The following UBXN11 variants were observed in gnomAD, a reference collection of about 807,000 sequenced individuals.
UBXN11 encodes the protein UBX domain protein 11.
UBXN11 carries 47 observed loss-of-function variants against 62.8 expected under a neutral mutation model. The ratio of observed to expected loss-of-function variants is 0.75; its 90% CI spans 0.59 to 0.95. The LOEUF is 0.95. Ranked by LOEUF, UBXN11 falls within the 40% of genes least tolerant of loss-of-function variation. UBXN11 has a pLI of 0.00. For synonymous variants in UBXN11, 294 were observed against 267.0 expected (o/e 1.10, Z -0.99); for missense variants, 638 against 661.7 (o/e 0.96, Z 0.39).
At chr1:26,310,537 T>TAAAA (rs1557693823), upstream of UBXN11, among the ~76,000 whole-genome samples, 1 of 23,944 alleles carries the variant, frequency 4.2e-5, no homozygotes, top group Admixed American at 2.6e-4. Flanking sequence ...AGACTCCATC[T>TAAAA]CAAAAAAAAA....
In UBXN11 at chr1:26,282,331, G is replaced by C; in HGVS notation, c.1531C>G (p.Pro511Ala). 1 of 747,218 alleles carries C rather than the reference G, an allele frequency of 1.3e-6. No individual in the cohort carries two copies. The highest frequency in any genetic ancestry group is 2.8e-5 in the African/African-American group (1 of 35,836). 46.3% of individuals were successfully genotyped at this position (747,218 alleles called of 1,614,324 possible). Residue 511 changes from proline to alanine, a missense_variant, in exon 15 of 15, where the codon CCC becomes GCC. Transcript: ENST00000374222. ...PSPGPGPGPS[P>A]CPGPSPSPQ The stretch of plus-strand genomic sequence containing the variant: ...GGGCTGGGACTGGGTCCAGGACAGG[G>C]ACTGGGGCCGGGACCGGGACCGGGA...
At chr1:26,312,280 C>A (rs1003434897) in intron 1 of UBXN11, among the ~76,000 whole-genome samples, 4 of 151,946 alleles carry the variant, frequency 2.6e-5, no homozygotes, top group Admixed American at 6.6e-5. Context: ...GAGACAAAAT[C>A]TCTTTCTGTC....
intron 8 of UBXN11, among the ~76,000 whole-genome samples, chr1:26,292,150 T>C (rs1184870706): frequency 6.6e-6 from 1 of 152,168 alleles, no homozygotes; most frequent in East Asian, 1.9e-4. Context: ...CCCTCAATAA[T>C]GAGTCCACAG....
At chr1:26,317,568 CTATGTTCTGGCTCTTTTTAAATTGGTTAT>C (rs2073810135) in intron 1 of UBXN11, among the ~76,000 whole-genome samples, 1 of 152,020 alleles carries the variant, frequency 6.6e-6, no homozygotes, top group South Asian at 2.1e-4. Flanking sequence ...GGAATATCTG[CTATGTTCTGGCTCTTTTTAAATTGGTTAT>C]TATTACATGT....
At chr1:26,289,168 G>C (rs1316557983) in intron 8 of UBXN11, among the ~76,000 whole-genome samples, 1 of 152,208 alleles carries the variant, frequency 6.6e-6, no homozygotes, top group Non-Finnish European at 1.5e-5. Flanking sequence ...TCCGAGCTCT[G>C]TAACCCTGGG....
intron 8 of UBXN11, 87 bp from the exon 9 acceptor site, chr1:26,286,124 G>A: frequency 7.8e-7 from 1 of 1,285,576 alleles, no homozygotes; most frequent in Admixed American, 2.7e-5. Flanking sequence ...TCCCAAGCTG[G>A]GCAGTGGTCT....
chr1:26,306,426 A>T (rs79089135), intron 1 of UBXN11, 166 bp downstream of exon 1: 4 of 152,126 alleles, frequency 2.6e-5, no homozygotes, highest in Non-Finnish European at 5.9e-5. Flanking sequence ...TCACGATCTA[A>T]CCCAGCCCTG....
intron 12 of UBXN11, among the ~76,000 whole-genome samples, chr1:26,283,789 G>A (rs2073058920): frequency 6.6e-6 from 1 of 152,178 alleles, no homozygotes; most frequent in African/African-American, 2.4e-5. Context: ...AATAGGGAGC[G>A]AGGAGACAGA....
chr1:26,301,740 A>C lies in UBXN11; in HGVS notation c.72-18T>G. The C allele has an allele frequency of 6.2e-7, 1 of 1,613,878 alleles. No homozygotes were observed. Among genetic ancestry groups the C allele is most frequent in the Non-Finnish European group, 8.5e-7 (1 of 1,179,938 alleles). On this transcript the variant is annotated intron_variant, in intron 2 of 14. Coordinates refer to ENST00000374222, the MANE Select transcript of UBXN11 (RefSeq NM_001389556.1). ...CTCGCCTCCTGGGAACCCAGGCAGG[A>C]AGAAGGAAGAAATATAAGTTAGGGC...
chr1:26,294,435 C>T (rs376607015), intron 7 of UBXN11, 104 bp from the exon 8 acceptor site: 9 of 1,495,398 alleles, frequency 6.0e-6, no homozygotes, highest in East Asian at 2.4e-5. Flanking sequence ...GGCAATGGGG[C>T]CCCCAGAGCT....
At chr1:26,291,918 A>G (rs2073276744) in intron 8 of UBXN11, among the ~76,000 whole-genome samples, 1 of 152,228 alleles carries the variant, frequency 6.6e-6, no homozygotes, top group Non-Finnish European at 1.5e-5. Flanking sequence ...GCTGTGTCCC[A>G]AGTGTACTCA....
chr1:26,313,817 A>G (rs924924463), intron 1 of UBXN11, among the ~76,000 whole-genome samples: 2 of 134,182 alleles, frequency 1.5e-5, no homozygotes, highest in East Asian at 2.0e-4. Context: ...GTCTTGCTCC[A>G]TCGCCCAGGC....
At chr1:26,317,944 C>A in intron 1 of UBXN11, 1 of 1,387,978 alleles carries the variant, frequency 7.2e-7, no homozygotes, top group Non-Finnish European at 1.0e-6. Context: ...GCAGCTAAAC[C>A]AAAAGAAGCC....
chr1:26,285,371 G>A (rs1403242662), intron 10 of UBXN11, 93 bp downstream of exon 10: 40 of 1,552,138 alleles, frequency 2.6e-5, no homozygotes, highest in Non-Finnish European at 3.3e-5. Flanking sequence ...GAGTGCAGCG[G>A]CTTCCCCTCA....
At chr1:26,296,826 G>GTGT in intron 7 of UBXN11, 93 bp downstream of exon 7, 2 of 1,326,786 alleles carry the variant, frequency 1.5e-6, no homozygotes, top group South Asian at 1.4e-5. Flanking sequence ...GAGAGGCCCA[G>GTGT]AGAGGTGGGC....
Position 26,286,029 on chromosome 1 carries a change from A to G in UBXN11, c.568T>C (p.Leu190=), listed in dbSNP as rs775456927. 9 of 1,603,070 alleles carry G rather than the reference A, an allele frequency of 5.6e-6. No individual in the cohort carries two copies. Among genetic ancestry groups the G allele is most frequent in the African/African-American group, 2.7e-5 (2 of 74,728 alleles). Residue 190 remains leucine, a synonymous_variant, in exon 9 of 15, where the codon TTG becomes CTG. Transcript: ENST00000374222. ...AKKFWKPGDS[L]APPEVDFDRL... Reference sequence around the variant, plus strand: ...TCAAAGTCCACCTCAGGGGGCGCCAATGAGTCCCCTGGCAAAGAGGACAGA... The same window carrying G: ...TCAAAGTCCACCTCAGGGGGCGCCAGTGAGTCCCCTGGCAAAGAGGACAGA...
intron 5 of UBXN11, 60 bp from the exon 6 acceptor site, chr1:26,297,541 A>C: frequency 6.8e-7 from 1 of 1,480,858 alleles, no homozygotes; most frequent in East Asian, 2.5e-5. Flanking sequence ...CTGCCCAGAC[A>C]GGAAGCTCCA....
At chr1:26,291,788 G>A (rs1277030055) in intron 8 of UBXN11, among the ~76,000 whole-genome samples, 2 of 152,172 alleles carry the variant, frequency 1.3e-5, no homozygotes, top group Admixed American at 6.5e-5. Flanking sequence ...CTCTCCCCAC[G>A]ACACCCACCC....
At chr1:26,306,725 T>C (rs894809685), upstream of UBXN11, 2 of 150,988 alleles carry the variant, frequency 1.3e-5, no homozygotes, top group Non-Finnish European at 2.9e-5. Flanking sequence ...CGAAGGTGGA[T>C]ACAGTCGCCT....
Sources: gnomAD v4.1 joint callset for allele counts (sites outside exome capture counted in the v4.1 genomes callset) on GRCh38, gnomAD v4.1.1 for gene constraint, MANE v1.5 for transcripts, NCBI Gene and HGNC (gene_info 2026-07-23, HGNC 2026-07-21) for gene names.